Variants in CLSTN2 observed in about 807,000 individuals in gnomAD.
The protein encoded by CLSTN2 is calsyntenin-2.
In CLSTN2, 48 loss-of-function variants were observed where a neutral mutation model predicts 101.2. The observed-to-expected ratio is 0.47, with a 90% confidence interval of 0.38 to 0.60. The LOEUF is 0.60. Ranked by LOEUF, CLSTN2 falls within the 20% of genes least tolerant of loss-of-function variation. The pLI is 0.00. For missense variants in CLSTN2, 1,160 were observed against 1,238.2 expected, an observed-to-expected ratio of 0.94 and a Z score of 0.95; for synonymous variants, 481 against 463.6, an observed-to-expected ratio of 1.04 and a Z score of -0.48.
chr3:140,201,560 T>G (rs955823320), intron 2 of CLSTN2, among the ~76,000 whole-genome samples: 5 of 152,192 alleles, frequency 3.3e-5, no homozygotes, highest in Middle Eastern at 3.2e-3. Flanking sequence ...CCTTAGCCAC[T>G]GAGAGACTAA....
intron 2 of CLSTN2, among the ~76,000 whole-genome samples, chr3:140,299,707 G>T (rs1410812698): frequency 1.3e-5 from 2 of 152,176 alleles, no homozygotes; most frequent in Non-Finnish European, 2.9e-5. Flanking sequence ...AGATTGAAAA[G>T]TGATTTTCAG....
At chr3:139,974,213 G>A (rs1442387919) in intron 1 of CLSTN2, among the ~76,000 whole-genome samples, 1 of 152,230 alleles carries the variant, frequency 6.6e-6, no homozygotes, top group Non-Finnish European at 1.5e-5. Flanking sequence ...AAACTGCAAT[G>A]ACAGGGTGAA....
intron 1 of CLSTN2, among the ~76,000 whole-genome samples, chr3:140,070,450 A>G (rs966015065): frequency 2.0e-5 from 3 of 152,196 alleles, no homozygotes; most frequent in Non-Finnish European, 4.4e-5. Flanking sequence ...GGGAACAAAC[A>G]ATTTCATATG....
intron 2 of CLSTN2, among the ~76,000 whole-genome samples, chr3:140,241,551 C>G (rs1359133591): frequency 6.6e-6 from 1 of 152,044 alleles, no homozygotes; most frequent in Non-Finnish European, 1.5e-5. Context: ...ACCTCTTGCC[C>G]CTGATTCTAG....
chr3:140,126,568 A>G (rs2009434427), intron 1 of CLSTN2, among the ~76,000 whole-genome samples: 1 of 152,198 alleles, frequency 6.6e-6, no homozygotes. Flanking sequence ...ATATTCTCCA[A>G]ATTCCAAAGG....
intron 2 of CLSTN2, among the ~76,000 whole-genome samples, chr3:140,200,492 G>C (rs2010703847): frequency 6.6e-6 from 1 of 152,152 alleles, no homozygotes. Context: ...TTCTTAGTCT[G>C]TGAAATGGCA....
intron 2 of CLSTN2, among the ~76,000 whole-genome samples, chr3:140,354,631 A>G (rs1033541535): frequency 6.6e-6 from 1 of 152,122 alleles, no homozygotes; most frequent in African/African-American, 2.4e-5. Context: ...ACCCTAGCCT[A>G]CATTGTAGCC....
intron 7 of CLSTN2, among the ~76,000 whole-genome samples, chr3:140,466,256 C>T (rs1414060777): frequency 6.6e-6 from 1 of 152,168 alleles, no homozygotes; most frequent in Non-Finnish European, 1.5e-5. Flanking sequence ...GCATATAGCT[C>T]CCTAAACCCT....
At chr3:140,347,574 G>A (rs1252432923) in intron 2 of CLSTN2, among the ~76,000 whole-genome samples, 1 of 152,194 alleles carries the variant, frequency 6.6e-6, no homozygotes, top group African/African-American at 2.4e-5. Context: ...GGCCTCAGTG[G>A]ATTATTTCTC....
chr3:140,326,887 G>A (rs561205581), intron 2 of CLSTN2, among the ~76,000 whole-genome samples: 2 of 152,080 alleles, frequency 1.3e-5, no homozygotes, highest in Non-Finnish European at 1.5e-5. Flanking sequence ...AGAGTGAAAG[G>A]TCGACTTTTT....
At chr3:140,076,030 C>T (rs1576418361) in intron 1 of CLSTN2, among the ~76,000 whole-genome samples, 1 of 152,146 alleles carries the variant, frequency 6.6e-6, no homozygotes. Context: ...CAGCAGATCT[C>T]TAATGGAAAC....
At chr3:140,176,182 A>G (rs777775419) in intron 2 of CLSTN2, 109 bp downstream of exon 2, 4 of 1,182,778 alleles carry the variant, frequency 3.4e-6, no homozygotes, top group Non-Finnish European at 4.8e-6. Flanking sequence ...CACCCTGTGC[A>G]TCTCTAGATC....
At chr3:140,427,195 A>ATATGTGTG (rs1559866662) in intron 5 of CLSTN2, among the ~76,000 whole-genome samples, 1 of 88,842 alleles carries the variant, frequency 1.1e-5, no homozygotes, top group African/African-American at 5.7e-5. Flanking sequence ...ATATATATAT[A>ATATGTGTG]TATATATATG....
At chr3:140,532,010 T>TA (rs1316922819) in intron 8 of CLSTN2, among the ~76,000 whole-genome samples, 2 of 152,062 alleles carry the variant, frequency 1.3e-5, no homozygotes, top group Non-Finnish European at 2.9e-5. Context: ...CTGTACTGAG[T>TA]CCAGGCCAGT....
rs1553801553 is a variant in CLSTN2 at position 140,135,087 on chromosome 3, A to ACACACAC, written c.110-40864_110-40863insCACACAC. On this transcript the variant is annotated intron_variant, in intron 1 of 16. Transcript: ENST00000458420. ...AGTCCAGGGTGATGCCTCTCAAAAA[A>ACACACAC]ACACACACACACACACACACACACA... Among the ~76,000 whole-genome samples, 163 of 51,248 alleles carry ACACACAC rather than the reference A, an allele frequency of 3.2e-3. 9 individuals are homozygous for ACACACAC. The highest frequency in any genetic ancestry group is 5.4e-3 in the African/African-American group (99 of 18,470). The allele number at this position is 51,248 out of a possible 152,430, so 33.6% of individuals were successfully genotyped here. A position where few individuals can be genotyped will look rare whatever the true frequency, so the allele number is the denominator to read the frequency against.
At chr3:140,305,835 C>T (rs1372542158) in intron 2 of CLSTN2, among the ~76,000 whole-genome samples, 2 of 151,500 alleles carry the variant, frequency 1.3e-5, no homozygotes, top group Admixed American at 1.3e-4. Context: ...TTTCAAAGTG[C>T]ACAAAATGAA....
chr3:140,446,715 A>G (rs1933086562), intron 5 of CLSTN2, among the ~76,000 whole-genome samples: 1 of 152,084 alleles, frequency 6.6e-6, no homozygotes, highest in South Asian at 2.1e-4. Flanking sequence ...CCAAGCCAAG[A>G]TTGTTGCTGC....
intron 1 of CLSTN2, among the ~76,000 whole-genome samples, chr3:140,022,298 A>T (rs570531895): frequency 2.0e-5 from 3 of 152,200 alleles, no homozygotes; most frequent in Non-Finnish European, 4.4e-5. Context: ...GGCCTGAGCC[A>T]TCCCTGCGTA....
chr3:140,185,420 C>T (rs192123917), intron 2 of CLSTN2, among the ~76,000 whole-genome samples: 1 of 152,270 alleles, frequency 6.6e-6, no homozygotes, highest in East Asian at 1.9e-4. Context: ...TAAAGACATT[C>T]TGGGATATCA....
Sources: gnomAD v4.1 joint callset for allele counts (sites outside exome capture counted in the v4.1 genomes callset) on GRCh38, gnomAD v4.1.1 for gene constraint, MANE v1.5 for transcripts, NCBI Gene and HGNC (gene_info 2026-07-23, HGNC 2026-07-21) for gene names.